Variants in CAPS2 observed in about 807,000 individuals in gnomAD.
CAPS2 encodes the protein calcyphosine 2.
In CAPS2, 98 loss-of-function variants were observed where a neutral mutation model predicts 86.5. The ratio of observed to expected loss-of-function variants is 1.13; its 90% CI spans 0.96 to 1.34. The LOEUF (loss-of-function observed/expected upper bound fraction) is 1.34, where lower values mean the gene tolerates loss of function less well. CAPS2 is among the 40% of genes most tolerant of loss of function. The probability of loss-of-function intolerance (pLI) is 0.00; values close to 1 mark genes in which losing one functional copy is unlikely to be tolerated. For synonymous variants in CAPS2, 210 were observed against 225.1 expected, an observed-to-expected ratio of 0.93 and a Z score of 0.60; for missense variants, 729 against 686.8, an observed-to-expected ratio of 1.06 and a Z score of -0.69.
intron 7 of CAPS2, among the ~76,000 whole-genome samples, chr12:75,310,474 A>T (rs1402641887): frequency 6.6e-6 from 1 of 152,202 alleles, no homozygotes; most frequent in Non-Finnish European, 1.5e-5. Flanking sequence ...GGAACCTGGT[A>T]TGTTCCAGAA....
chr12:75,276,383 T>A, downstream of CAPS2: 1 of 1,366,784 alleles, frequency 7.3e-7, no homozygotes. Flanking sequence ...AAATACTTGA[T>A]AACAAACAAC....
At chr12:75,366,749 T>C in intron 1 of CAPS2, 1 of 625,726 alleles carries the variant, frequency 1.6e-6, no homozygotes, top group East Asian at 2.8e-5. Flanking sequence ...GTTTTACCAA[T>C]GAGTCATTTC....
At chr12:75,384,785 G>C (rs959195304) in intron 1 of CAPS2, among the ~76,000 whole-genome samples, 1 of 152,108 alleles carries the variant, frequency 6.6e-6, no homozygotes, top group African/African-American at 2.4e-5. Flanking sequence ...ATTCAACAAC[G>C]TATAAAAATA....
At chr12:75,348,502 T>G (rs2042597520) in intron 1 of CAPS2, among the ~76,000 whole-genome samples, 1 of 152,178 alleles carries the variant, frequency 6.6e-6, no homozygotes, top group Non-Finnish European at 1.5e-5. Flanking sequence ...TTTTATAGAT[T>G]CAGAGAAATT....
intron 1 of CAPS2, chr12:75,347,648 C>A: frequency 6.2e-7 from 1 of 1,608,418 alleles, no homozygotes; most frequent in Non-Finnish European, 8.5e-7. Context: ...CATTTTATGT[C>A]GGTTGTGCAG....
At chr12:75,342,119 A>G (rs995239736) in intron 1 of CAPS2, among the ~76,000 whole-genome samples, 5 of 152,188 alleles carry the variant, frequency 3.3e-5, no homozygotes, top group Non-Finnish European at 5.9e-5. Flanking sequence ...GGGGTTAAAG[A>G]TAGTGTGGGT....
At chr12:75,372,314 G>A (rs2044411474) in intron 1 of CAPS2, among the ~76,000 whole-genome samples, 1 of 152,054 alleles carries the variant, frequency 6.6e-6, no homozygotes, top group African/African-American at 2.4e-5. Context: ...CGCCCAACCT[G>A]ATTTCATCTT....
At chr12:75,316,827 C>T (rs904300213) in intron 5 of CAPS2, among the ~76,000 whole-genome samples, 1 of 152,084 alleles carries the variant, frequency 6.6e-6, no homozygotes, top group African/African-American at 2.4e-5. Flanking sequence ...GGCATGTCTA[C>T]TCCATTATAA....
chr12:75,289,774 A>T lies in CAPS2; in HGVS notation c.1242T>A (p.Asp414Glu), dbSNP rs1207234262. The change falls in exon 14 of 17, where the codon GAT becomes GAA. Residue 414 changes from aspartate to glutamate, a missense_variant and splice_region_variant. By Grantham distance (45) the Asp-to-Glu change is conservative. Coordinates refer to ENST00000393284, the Ensembl canonical transcript of CAPS2. ...TTTTATGTAGTTTTTCTTTTAGCAC[A>T]TCTGTTCAACAAGAAGAGAGATGAA... is the stretch of plus-strand genomic sequence containing the variant. 5 of 1,608,710 alleles carry T rather than the reference A, an allele frequency of 3.1e-6. No individual in the cohort carries two copies. The Admixed American group carries it at 8.4e-5, about 27-fold the overall frequency.
At chr12:75,327,047 G>A, upstream of CAPS2, among the ~76,000 whole-genome samples, 1 of 152,146 alleles carries the variant, frequency 6.6e-6, no homozygotes, top group East Asian at 1.9e-4. Flanking sequence ...GAAAGAACCT[G>A]CCCTGTTGAC....
At chr12:75,312,429 G>C (rs1459168879) in intron 7 of CAPS2, among the ~76,000 whole-genome samples, 2 of 152,140 alleles carry the variant, frequency 1.3e-5, no homozygotes, top group African/African-American at 2.4e-5. Context: ...CAAATATCAG[G>C]TGAAAATCAA....
downstream of CAPS2, chr12:75,276,715 A>T: frequency 1.2e-6 from 1 of 806,360 alleles, no homozygotes. Flanking sequence ...CAGTATATAC[A>T]ATTCCATAAA....
intron 1 of CAPS2, chr12:75,343,568 A>G (rs2042256277): frequency 1.4e-6 from 1 of 739,602 alleles, no homozygotes; most frequent in African/African-American, 1.8e-5. Flanking sequence ...CATAATAAAT[A>G]CCAAAGAAAA....
chr12:75,281,773 T>C (rs1160147235), intron 16 of CAPS2, among the ~76,000 whole-genome samples: 2 of 152,020 alleles, frequency 1.3e-5, no homozygotes, highest in Non-Finnish European at 1.5e-5. Flanking sequence ...TATAGTAGGA[T>C]ATAAATCTCC....
chr12:75,279,303 A>G (rs545450424), intron 16 of CAPS2, among the ~76,000 whole-genome samples: 63 of 152,102 alleles, frequency 4.1e-4, no homozygotes, highest in African/African-American at 1.4e-3. Flanking sequence ...CCAGCACAGA[A>G]CACAGTTTTT....
chr12:75,339,234 TC>T (rs1483787054), intron 1 of CAPS2, among the ~76,000 whole-genome samples: 1 of 152,184 alleles, frequency 6.6e-6, no homozygotes, highest in African/African-American at 2.4e-5. Flanking sequence ...GTAAAAATGT[TC>T]CTTTTTTTCC....
chr12:75,332,457 A>G (rs2139181746), upstream of CAPS2, among the ~76,000 whole-genome samples: 1 of 152,292 alleles, frequency 6.6e-6, no homozygotes, highest in South Asian at 2.1e-4. Context: ...GTATTTGACA[A>G]ACATCCACTG....
At chr12:75,350,036 C>T (rs539097698) in intron 1 of CAPS2, among the ~76,000 whole-genome samples, 1 of 152,226 alleles carries the variant, frequency 6.6e-6, no homozygotes, top group African/African-American at 2.4e-5. Context: ...TCCAGTTGGC[C>T]ATTTTCCCCT....
intron 1 of CAPS2, among the ~76,000 whole-genome samples, chr12:75,369,071 T>C (rs2044183467): frequency 6.6e-6 from 1 of 151,964 alleles, no homozygotes; most frequent in African/African-American, 2.4e-5. Flanking sequence ...GGCTTCTTAT[T>C]TGAGAGATAC....
Sources: gnomAD v4.1 joint callset for allele counts (sites outside exome capture counted in the v4.1 genomes callset) on GRCh38, gnomAD v4.1.1 for gene constraint, MANE v1.5 for transcripts, NCBI Gene and HGNC (gene_info 2026-07-23, HGNC 2026-07-21) for gene names.